The following CDC73 variants were observed in gnomAD, a reference collection of about 807,000 sequenced individuals.
CDC73 encodes parafibromin.
In CDC73, 21 loss-of-function variants were observed where a neutral mutation model predicts 83.7. The observed-to-expected ratio is 0.25, with a 90% CI of 0.18 to 0.36. The LOEUF (loss-of-function observed/expected upper bound fraction) is 0.36, where lower values mean the gene tolerates loss of function less well. CDC73 is among the 10% of genes least tolerant of loss of function. The probability of loss-of-function intolerance (pLI) is 1.00; values close to 1 mark genes in which losing one functional copy is unlikely to be tolerated. For missense variants in CDC73, 342 were observed against 653.3 expected, an observed-to-expected ratio of 0.52 and a Z score of 5.19; for synonymous variants, 224 against 212.9, an observed-to-expected ratio of 1.05 and a Z score of -0.45.
In CDC73 at chr1:193,138,057, A is replaced by G. The variant is rs115964909; in HGVS notation, c.424-28A>G. The G allele has an allele frequency of 9.9e-3, 15,162 of 1,526,634 alleles. 102 individuals are homozygous for G. The highest frequency in any genetic ancestry group is 0.012 in the Non-Finnish European group (12,802 of 1,100,320). The allele number at this position is 1,526,634 out of a possible 1,614,324, so 94.6% of individuals were successfully genotyped here. A position where few individuals can be genotyped will look rare whatever the true frequency, so the allele number is the denominator to read the frequency against. ...TTCCTAAAAGTTCAATAAAAATTTT[A>G]AATGCATTAACCAGTGGTTATTTCC... On this transcript the variant is annotated intron_variant, in intron 5 of 16. Transcript: ENST00000367435.
At chr1:193,239,689 C>G (rs1004448573) in intron 15 of CDC73, among the ~76,000 whole-genome samples, 1 of 151,870 alleles carries the variant, frequency 6.6e-6, no homozygotes, top group Non-Finnish European at 1.5e-5. Flanking sequence ...GTGTAATGAT[C>G]AAGTCAGTAT....
intron 13 of CDC73, among the ~76,000 whole-genome samples, chr1:193,224,623 T>G (rs1677533710): frequency 6.6e-6 from 1 of 152,136 alleles, no homozygotes; most frequent in Non-Finnish European, 1.5e-5. Flanking sequence ...AAATATGCAT[T>G]CACATACACA....
At chr1:193,186,028 T>C (rs1046019459) in intron 10 of CDC73, 2 of 152,376 alleles carry the variant, frequency 1.3e-5, no homozygotes, top group African/African-American at 4.8e-5. Flanking sequence ...CCTTCCTTGG[T>C]CAGGCCATTT....
chr1:193,180,187 A>T, intron 10 of CDC73: 1 of 924,908 alleles, frequency 1.1e-6, no homozygotes, highest in Middle Eastern at 3.4e-4. Context: ...GAATTTCTTT[A>T]TGTGATGAGT....
At chr1:193,177,462 G>A (rs1396175271) in intron 10 of CDC73, among the ~76,000 whole-genome samples, 5 of 150,504 alleles carry the variant, frequency 3.3e-5, no homozygotes, top group Non-Finnish European at 7.4e-5. Context: ...CCCGGGAGGC[G>A]GAGCTTGCAG....
intron 2 of CDC73, among the ~76,000 whole-genome samples, chr1:193,128,505 A>G (rs1675627832): frequency 6.6e-6 from 1 of 151,660 alleles, no homozygotes; most frequent in Non-Finnish European, 1.5e-5. Context: ...GAGTTTTTCC[A>G]TGTTGCTCAG....
At chr1:193,192,139 C>T (rs1164390765) in intron 10 of CDC73, among the ~76,000 whole-genome samples, 3 of 151,932 alleles carry the variant, frequency 2.0e-5, no homozygotes, top group Non-Finnish European at 4.4e-5. Flanking sequence ...GTAGTAGATA[C>T]GAATAGAAAG....
At chr1:193,153,964 G>A (rs995899611) in intron 10 of CDC73, among the ~76,000 whole-genome samples, 3 of 152,172 alleles carry the variant, frequency 2.0e-5, no homozygotes, top group Non-Finnish European at 4.4e-5. Context: ...GGAGGCCAGT[G>A]TTGCTAGAGT....
intron 2 of CDC73, among the ~76,000 whole-genome samples, chr1:193,127,560 A>C (rs1195277521): frequency 6.6e-6 from 1 of 152,154 alleles, no homozygotes; most frequent in Non-Finnish European, 1.5e-5. Context: ...GGATATATTC[A>C]TTTTAGTGTA....
At chr1:193,123,280 T>G (rs1054685968) in intron 1 of CDC73, among the ~76,000 whole-genome samples, 1 of 152,176 alleles carries the variant, frequency 6.6e-6, no homozygotes, top group Non-Finnish European at 1.5e-5. Context: ...CAGGCTGGAG[T>G]GCAGTGGCGC....
At chr1:193,180,927 AT>A in intron 10 of CDC73, 1 of 1,613,684 alleles carries the variant, frequency 6.2e-7, no homozygotes, top group Non-Finnish European at 8.5e-7. Flanking sequence ...TTATATCATG[AT>A]ATTGTCTGCT....
intron 2 of CDC73, among the ~76,000 whole-genome samples, chr1:193,127,536 T>TA (rs1402238243): frequency 3.3e-5 from 5 of 152,174 alleles, no homozygotes; most frequent in Non-Finnish European, 5.9e-5. Flanking sequence ...AGGTAGTTCT[T>TA]ACAGTGTTTT....
chr1:193,146,331 CTT>C (rs1336196019), intron 7 of CDC73, among the ~76,000 whole-genome samples: 2 of 152,096 alleles, frequency 1.3e-5, no homozygotes, highest in Non-Finnish European at 2.9e-5. Context: ...GGCCAAGTAT[CTT>C]TGTCTGTTTT....
chr1:193,161,520 T>C (rs1030969329), intron 10 of CDC73, among the ~76,000 whole-genome samples: 2 of 140,484 alleles, frequency 1.4e-5, no homozygotes, highest in Admixed American at 8.1e-5. Flanking sequence ...AATTAGAGTT[T>C]TATTTTGAAA....
chr1:193,228,991 C>T (rs779010325), intron 13 of CDC73, among the ~76,000 whole-genome samples: 6 of 151,756 alleles, frequency 4.0e-5, no homozygotes, highest in Non-Finnish European at 8.8e-5. Context: ...TACAAATGGC[C>T]AATCAGCGCA....
chr1:193,175,010 G>A (rs149236324), intron 10 of CDC73, among the ~76,000 whole-genome samples: 66 of 152,124 alleles, frequency 4.3e-4, no homozygotes, highest in East Asian at 3.1e-3. Context: ...AATAAGTCTC[G>A]AGGGAGAGAG....
At chr1:193,166,744 T>G (rs937854770) in intron 10 of CDC73, among the ~76,000 whole-genome samples, 3 of 151,894 alleles carry the variant, frequency 2.0e-5, no homozygotes, top group Non-Finnish European at 4.4e-5. Context: ...CATACCAGGT[T>G]CAAGCGATTG....
intron 13 of CDC73, among the ~76,000 whole-genome samples, chr1:193,228,368 G>C (rs1488990135): frequency 6.6e-6 from 1 of 152,102 alleles, no homozygotes; most frequent in African/African-American, 2.4e-5. Context: ...AAGATACGGT[G>C]CAATTTAGCA....
intron 10 of CDC73, among the ~76,000 whole-genome samples, chr1:193,167,275 T>C (rs2103146792): frequency 6.6e-6 from 1 of 152,320 alleles, no homozygotes. Flanking sequence ...TCATTAGTGT[T>C]TTCTGAACTA....
Sources: allele counts gnomAD v4.1 joint callset (sites outside exome capture counted in the v4.1 genomes callset), GRCh38; gene constraint gnomAD v4.1.1; transcripts MANE v1.5; gene names NCBI Gene and HGNC (gene_info 2026-07-23, HGNC 2026-07-21).